Variants in ZBTB25 observed in about 807,000 individuals in gnomAD.
ZBTB25 encodes zinc finger and BTB domain containing 25.
A neutral mutation model predicts 34.2 loss-of-function variants in ZBTB25; 20 were observed. That is an observed-to-expected ratio of 0.58 (90% CI 0.41 to 0.85). The LOEUF (loss-of-function observed/expected upper bound fraction) is 0.85. Ranked by LOEUF, ZBTB25 falls within the 40% of genes least tolerant of loss-of-function variation. The pLI is 0.00. For missense variants in ZBTB25, 437 were observed against 521.8 expected, an observed-to-expected ratio of 0.84 and a Z score of 1.58; for synonymous variants, 175 against 186.4, an observed-to-expected ratio of 0.94 and a Z score of 0.50.
chr14:64,502,967 A>C (rs1371531517), intron 1 of ZBTB25: 33 of 985,368 alleles, frequency 3.3e-5, no homozygotes, highest in Non-Finnish European at 3.7e-5. Context: ...AAGAATGCCA[A>C]ATTTAATCCC....
intron 2 of ZBTB25, among the ~76,000 whole-genome samples, chr14:64,466,932 A>G (rs918671420): frequency 6.6e-6 from 1 of 152,160 alleles, no homozygotes; most frequent in Non-Finnish European, 1.5e-5. Context: ...AAGTTTGCCA[A>G]TTGCATAGTT....
chr14:64,500,879 T>C (rs1026836326), intron 1 of ZBTB25, among the ~76,000 whole-genome samples: 60 of 152,130 alleles, frequency 3.9e-4, no homozygotes, highest in African/African-American at 1.4e-3. Flanking sequence ...GGCGAAACCC[T>C]GTCTCTACTA....
At chr14:64,468,362 C>T (rs1461592021) in intron 2 of ZBTB25, 5 of 1,535,920 alleles carry the variant, frequency 3.3e-6, no homozygotes, top group Non-Finnish European at 4.4e-6. Flanking sequence ...AGAGAGAATA[C>T]AGTTTTCTAG....
Position 64,449,569 on chromosome 14 carries a change from G to A in ZBTB25, c.243C>T (p.Asp81=), listed in dbSNP as rs771687911. 4.1e-5 allele frequency: 66 copies of A among 1,614,190 alleles called. 2 individuals carry two copies. In the Middle Eastern group the frequency reaches 3.0e-3, roughly 73 times the overall value. Residue 81 remains aspartate (D), a synonymous_variant, in exon 3 of 3, where the codon GAC becomes GAT. Transcript: ENST00000555220. ...GGGTGCCTTAGCCCTGGCTCAGGCC[G>A]TCCAGAGAGCAGCACAAGCACCCAG...
At position 64,482,466 on chromosome 14, in the gene ZBTB25, AC is replaced by A. The variant is rs927896482; in HGVS notation, c.*4456del. 2 of 152,228 alleles carry A rather than the reference AC, an allele frequency of 1.3e-5. No homozygotes were observed. Among genetic ancestry groups the A allele is most frequent in the African/African-American group, 4.8e-5 (2 of 41,468 alleles). The allele number at this position is 152,228 out of a possible 1,614,324, so 9.4% of individuals were successfully genotyped here. A position where few individuals can be genotyped will look rare whatever the true frequency, so the allele number is the denominator to read the frequency against. ...ACTCCGTCTCAAAAAAGAAAAAAAA[AC>A]AAAGGTATTTATTTATTGTTTTTGT... On this transcript the variant is annotated 3_prime_UTR_variant, in exon 3 of 3. Coordinates refer to ENST00000608382, the MANE Select transcript of ZBTB25 (RefSeq NM_006977.5).
rs187245457 is a variant in ZBTB25 at position 64,485,755 on chromosome 14, G to A, written c.*1168C>T. ...CCCAGGAAGCCCCAAAAATCCTGAC[G>A]CTGAGGGTAGAAACATGATTTATAT... On this transcript the variant is annotated 3_prime_UTR_variant, in exon 3 of 3. Coordinates refer to ENST00000608382, the MANE Select transcript of ZBTB25 (RefSeq NM_006977.5). The A allele has an allele frequency of 9.4e-4, 928 of 985,292 alleles. 3 individuals carry two copies. The highest frequency in any genetic ancestry group is 1.6e-3 in the Admixed American group (26 of 16,266). The allele number at this position is 985,292 out of a possible 1,614,324, so 61.0% of individuals were successfully genotyped here.
chr14:64,451,230 C>T (rs1322758741), intron 2 of ZBTB25, among the ~76,000 whole-genome samples: 1 of 152,030 alleles, frequency 6.6e-6, no homozygotes, highest in Non-Finnish European at 1.5e-5. Context: ...CTATATTGCT[C>T]AGGCTGGTCT....
In ZBTB25 at chr14:64,485,819, T is replaced by A. The variant is rs1464257941; in HGVS notation, c.*1104A>T. 25 of 985,370 alleles carry A rather than the reference T, an allele frequency of 2.5e-5. No homozygotes were observed. Among genetic ancestry groups the A allele is most frequent in the Non-Finnish European group, 2.9e-5 (24 of 829,906 alleles). 61.0% of individuals were successfully genotyped at this position (985,370 alleles called of 1,614,324 possible). On this transcript the variant is annotated 3_prime_UTR_variant, in exon 3 of 3. Coordinates refer to ENST00000608382, the MANE Select transcript of ZBTB25 (RefSeq NM_006977.5). ...TCTTTCAACTCATGTAAACCTCTGG[T>A]CATAAAATCTCAAATTACTTTTTAA... is the stretch of plus-strand genomic sequence containing the variant.
chr14:64,458,741 GAA>G, intron 2 of ZBTB25: 1 of 220,624 alleles, frequency 4.5e-6, no homozygotes, highest in Non-Finnish European at 9.1e-6. Context: ...AAGTATAATA[GAA>G]AAGAGAAGGA....
intron 2 of ZBTB25, among the ~76,000 whole-genome samples, chr14:64,450,303 C>A (rs1228846263): frequency 6.6e-6 from 1 of 152,214 alleles, no homozygotes; most frequent in African/African-American, 2.4e-5. Flanking sequence ...TGGTAAGGGG[C>A]TGCATCGAGC....
intron 2 of ZBTB25, 50 bp from the exon 3 acceptor site, chr14:64,488,107 G>C: frequency 1.3e-6 from 2 of 1,576,980 alleles, no homozygotes; most frequent in Non-Finnish European, 1.7e-6. Flanking sequence ...AACCTAGCTG[G>C]CCTTTCAGTT....
intron 2 of ZBTB25, chr14:64,471,709 ATGAAG>A (rs2078674272): frequency 2.5e-5 from 4 of 161,050 alleles, no homozygotes; most frequent in Admixed American, 6.8e-5. Context: ...CTTGAAACAG[ATGAAG>A]TAATAAAGAT....
chr14:64,505,021 C>G (rs2079620502), upstream of ZBTB25: 3 of 386,422 alleles, frequency 7.8e-6, no homozygotes, highest in African/African-American at 2.1e-5. Context: ...GCGGGCCTGG[C>G]GGAGTGCGGG....
At chr14:64,488,799 G>T (rs1050658977) in intron 2 of ZBTB25, among the ~76,000 whole-genome samples, 5 of 152,140 alleles carry the variant, frequency 3.3e-5, no homozygotes, top group African/African-American at 1.2e-4. Context: ...TCTGTTTGGG[G>T]TGATAAAAAA....
At chr14:64,489,405 G>A (rs965485328) in intron 2 of ZBTB25, among the ~76,000 whole-genome samples, 1 of 152,226 alleles carries the variant, frequency 6.6e-6, no homozygotes, top group Non-Finnish European at 1.5e-5. Context: ...TCCTGCATGG[G>A]CATGTTACTT....
chr14:64,504,826 C>T, upstream of ZBTB25: 1 of 391,330 alleles, frequency 2.6e-6, no homozygotes, highest in Non-Finnish European at 4.5e-6. Flanking sequence ...AGCCCGAGCG[C>T]CGAGCGCCGC....
intron 1 of ZBTB25, among the ~76,000 whole-genome samples, chr14:64,500,813 G>A (rs1364831307): frequency 6.6e-6 from 1 of 152,184 alleles, no homozygotes; most frequent in Non-Finnish European, 1.5e-5. Context: ...CACTTTGGGA[G>A]GCCAAGGTGG....
intron 2 of ZBTB25, among the ~76,000 whole-genome samples, chr14:64,452,391 C>T (rs1487243444): frequency 6.6e-6 from 1 of 152,212 alleles, no homozygotes; most frequent in Non-Finnish European, 1.5e-5. Flanking sequence ...ATCCAAATTA[C>T]CCATGAGTAG....
chr14:64,504,662 G>A (rs2079608324), upstream of ZBTB25: 1 of 346,610 alleles, frequency 2.9e-6, no homozygotes, highest in Non-Finnish European at 5.2e-6. Context: ...GGAGGGGAAG[G>A]CTGGCGGACG....
Sources: allele counts gnomAD v4.1 joint callset (sites outside exome capture counted in the v4.1 genomes callset), GRCh38; gene constraint gnomAD v4.1.1; transcripts MANE v1.5; gene names NCBI Gene and HGNC (gene_info 2026-07-23, HGNC 2026-07-21).